Variants in SPIDR observed in about 807,000 individuals in gnomAD.
SPIDR encodes the protein DNA repair-scaffolding protein.
In SPIDR, 93 loss-of-function variants were observed where a neutral mutation model predicts 104.6. The observed-to-expected ratio is 0.89, with a 90% CI of 0.75 to 1.06. The LOEUF is 1.06. Ranked by LOEUF, SPIDR falls within the 50% of genes least tolerant of loss-of-function variation. SPIDR has a pLI of 0.00. For synonymous variants in SPIDR, 431 were observed against 416.9 expected (o/e 1.03, Z -0.41); for missense variants, 1,154 against 1,111.2 (o/e 1.04, Z -0.55).
chr8:47,492,250 C>A (rs1330073215), intron 8 of SPIDR, among the ~76,000 whole-genome samples: 1 of 152,160 alleles, frequency 6.6e-6, no homozygotes, highest in African/African-American at 2.4e-5. Flanking sequence ...TTTCCATCTG[C>A]CAGACACAGA....
At chr8:47,526,442 T>C (rs1430851491) in intron 8 of SPIDR, among the ~76,000 whole-genome samples, 1 of 152,168 alleles carries the variant, frequency 6.6e-6, no homozygotes, top group Non-Finnish European at 1.5e-5. Context: ...GGGAGCAAAA[T>C]CTAGTCTTCA....
chr8:47,684,615 C>T (rs555685937), intron 11 of SPIDR, among the ~76,000 whole-genome samples: 1 of 152,238 alleles, frequency 6.6e-6, no homozygotes, highest in East Asian at 1.9e-4. Context: ...CAATGTAAAC[C>T]ACCATGTAAG....
At chr8:47,436,145 C>T (rs1427883312) in intron 7 of SPIDR, among the ~76,000 whole-genome samples, 4 of 152,094 alleles carry the variant, frequency 2.6e-5, no homozygotes, top group Non-Finnish European at 1.5e-5. Flanking sequence ...TGTGTTTGCA[C>T]CTGTGATTGT....
chr8:47,587,297 A>C (rs2060351544), intron 8 of SPIDR, among the ~76,000 whole-genome samples: 1 of 152,216 alleles, frequency 6.6e-6, no homozygotes, highest in Admixed American at 6.5e-5. Flanking sequence ...ATCCTTCCTT[A>C]ATTGAATTGC....
At chr8:47,356,762 T>TA (rs2054632850) in intron 5 of SPIDR, among the ~76,000 whole-genome samples, 1 of 152,164 alleles carries the variant, frequency 6.6e-6, no homozygotes, top group Non-Finnish European at 1.5e-5. Context: ...TTGCATCTGT[T>TA]ACCTAAAGTA....
intron 16 of SPIDR, among the ~76,000 whole-genome samples, chr8:47,717,214 C>T (rs908524342): frequency 1.3e-5 from 2 of 152,136 alleles, no homozygotes; most frequent in African/African-American, 4.8e-5. Flanking sequence ...TCTCCAGGCT[C>T]ATGTATAAGG....
intron 10 of SPIDR, among the ~76,000 whole-genome samples, chr8:47,622,967 G>A (rs371386043): frequency 4.6e-5 from 7 of 152,210 alleles, no homozygotes; most frequent in East Asian, 3.9e-4. Context: ...ACTAAGCAGC[G>A]TGGCCCACAG....
intron 7 of SPIDR, among the ~76,000 whole-genome samples, chr8:47,420,326 T>G (rs1402940590): frequency 1.3e-5 from 2 of 152,190 alleles, no homozygotes; most frequent in Admixed American, 1.3e-4. Flanking sequence ...ATATTTAGGA[T>G]AGTTAGCTCT....
At position 47,622,087 on chromosome 8, in the gene SPIDR, G is replaced by A. The variant is rs191678538; in HGVS notation, c.1544+22891G>A. On this transcript the variant is annotated intron_variant, in intron 10 of 19. Coordinates refer to ENST00000297423, the MANE Select transcript of SPIDR (RefSeq NM_001080394.4). Reference sequence around the variant, plus strand: ...CCAAGTAGTGTCTTAGTGGCAGGCAGGAAGCAGAGTTCAGAGCTTGAATGT... The same window carrying A: ...CCAAGTAGTGTCTTAGTGGCAGGCAAGAAGCAGAGTTCAGAGCTTGAATGT... Among the ~76,000 whole-genome samples, 4 of 152,280 alleles carry A rather than the reference G, an allele frequency of 2.6e-5. No homozygotes were observed. In the East Asian group the frequency reaches 5.8e-4, roughly 22 times the overall value.
intron 8 of SPIDR, among the ~76,000 whole-genome samples, chr8:47,552,464 G>T (rs2090665604): frequency 6.6e-6 from 1 of 152,102 alleles, no homozygotes; most frequent in East Asian, 1.9e-4. Flanking sequence ...CCTGTATTGG[G>T]TGCATATATA....
chr8:47,446,422 C>G (rs1247725882), intron 8 of SPIDR, among the ~76,000 whole-genome samples: 2 of 152,082 alleles, frequency 1.3e-5, no homozygotes, highest in African/African-American at 4.8e-5. Flanking sequence ...AAATACTACC[C>G]CTCATTGACA....
chr8:47,468,044 A>G (rs1378627001), intron 8 of SPIDR, among the ~76,000 whole-genome samples: 2 of 152,158 alleles, frequency 1.3e-5, no homozygotes, highest in Admixed American at 6.5e-5. Flanking sequence ...AAAATTCACT[A>G]GCATTTCTAT....
At chr8:47,589,833 T>C (rs2060772894) in intron 8 of SPIDR, among the ~76,000 whole-genome samples, 1 of 152,190 alleles carries the variant, frequency 6.6e-6, no homozygotes, top group African/African-American at 2.4e-5. Flanking sequence ...ATTGTTTTTT[T>C]CTCTGTTGTT....
At chr8:47,589,466 A>C (rs1255233809) in intron 8 of SPIDR, among the ~76,000 whole-genome samples, 1 of 151,568 alleles carries the variant, frequency 6.6e-6, no homozygotes, top group African/African-American at 2.4e-5. Context: ...AGGAGGTTGC[A>C]GTGAACCGAG....
chr8:47,454,489 G>A (rs980099086), intron 8 of SPIDR, among the ~76,000 whole-genome samples: 10 of 151,822 alleles, frequency 6.6e-5, no homozygotes, highest in African/African-American at 1.7e-4. Context: ...GGGTGCGGGG[G>A]TGGGGAAGCG....
intron 8 of SPIDR, among the ~76,000 whole-genome samples, chr8:47,500,762 T>A (rs952239080): frequency 1.6e-3 from 251 of 152,368 alleles, no homozygotes; most frequent in African/African-American, 5.8e-3. Context: ...CTTCTAGGGT[T>A]TTTATGGTTT....
chr8:47,625,140 A>C (rs1318263049), intron 10 of SPIDR, among the ~76,000 whole-genome samples: 6 of 152,228 alleles, frequency 3.9e-5, no homozygotes, highest in Admixed American at 3.9e-4. Context: ...CAAAAACTAC[A>C]TGATTATCTC....
intron 8 of SPIDR, among the ~76,000 whole-genome samples, chr8:47,469,185 A>G (rs565803883): frequency 6.6e-6 from 1 of 152,304 alleles, no homozygotes; most frequent in African/African-American, 2.4e-5. Context: ...TAAAAAGTCA[A>G]AAAAATAACA....
intron 5 of SPIDR, among the ~76,000 whole-genome samples, chr8:47,320,224 G>A (rs1018330669): frequency 2.0e-5 from 3 of 152,088 alleles, no homozygotes; most frequent in Non-Finnish European, 4.4e-5. Context: ...AGAGAAAAGA[G>A]AGAAGAATCA....
Sources: allele counts gnomAD v4.1 joint callset (sites outside exome capture counted in the v4.1 genomes callset), GRCh38; gene constraint gnomAD v4.1.1; transcripts MANE v1.5; gene names NCBI Gene and HGNC (gene_info 2026-07-23, HGNC 2026-07-21).